The following GPC5 variants were observed in gnomAD, a reference collection of about 807,000 sequenced individuals.
GPC5 encodes the protein glypican 5.
GPC5 carries 47 observed loss-of-function variants against 53.9 expected under a neutral mutation model. The ratio of observed to expected loss-of-function variants is 0.87; its 90% CI spans 0.69 to 1.11. The LOEUF (loss-of-function observed/expected upper bound fraction) is 1.11, where lower values mean the gene tolerates loss of function less well. Ranked by LOEUF, GPC5 falls within the 50% of genes most tolerant of loss-of-function variation. The probability of loss-of-function intolerance (pLI) is 0.00; values close to 1 mark genes in which losing one functional copy is unlikely to be tolerated. For missense variants in GPC5, 748 were observed against 713.1 expected (o/e 1.05, Z -0.56); for synonymous variants, 286 against 263.3 (o/e 1.09, Z -0.84).
chr13:91,858,398 CT>C (rs754224758), intron 5 of GPC5, among the ~76,000 whole-genome samples: 1 of 151,802 alleles, frequency 6.6e-6, no homozygotes, highest in African/African-American at 2.4e-5. Context: ...TTATCAAATG[CT>C]TTTTTAGCAC....
At chr13:92,138,353 C>G (rs2041801639) in intron 6 of GPC5, among the ~76,000 whole-genome samples, 1 of 151,778 alleles carries the variant, frequency 6.6e-6, no homozygotes, top group South Asian at 2.1e-4. Context: ...AGCCCTGTCT[C>G]TACTAAAAAT....
At chr13:92,436,967 G>A (rs1877330649) in intron 7 of GPC5, among the ~76,000 whole-genome samples, 1 of 152,066 alleles carries the variant, frequency 6.6e-6, no homozygotes, top group African/African-American at 2.4e-5. Flanking sequence ...GGGAAAACAT[G>A]ACAAAATATA....
At chr13:91,824,422 C>A (rs891707981) in intron 5 of GPC5, among the ~76,000 whole-genome samples, 3 of 151,984 alleles carry the variant, frequency 2.0e-5, no homozygotes, top group Non-Finnish European at 4.4e-5. Flanking sequence ...TTTTAAATGG[C>A]TCAGTATTCA....
At chr13:91,535,760 C>T (rs1423246214) in intron 2 of GPC5, among the ~76,000 whole-genome samples, 1 of 152,010 alleles carries the variant, frequency 6.6e-6, no homozygotes, top group Non-Finnish European at 1.5e-5. Flanking sequence ...ACAGGGAGAT[C>T]CCACCCAGAG....
chr13:92,426,644 C>G (rs1426206065), intron 7 of GPC5, among the ~76,000 whole-genome samples: 1 of 151,902 alleles, frequency 6.6e-6, no homozygotes, highest in Admixed American at 6.6e-5. Context: ...GTTCTTCTGG[C>G]TTATTTTATG....
In GPC5 at chr13:91,565,642, C is replaced by T. The variant is rs554916726; in HGVS notation, c.325+116720C>T. ...CCATGGTTGTTTGTCCTAGGCGTTG[C>T]GCCTGGCACACTAATGCTGAACAAA... On this transcript the variant is annotated intron_variant, in intron 2 of 7. Coordinates refer to ENST00000377067, the MANE Select transcript of GPC5 (RefSeq NM_004466.6). Among the ~76,000 whole-genome samples, 4 of 152,296 alleles carry T rather than the reference C, an allele frequency of 2.6e-5. No individual in the cohort carries two copies. In the South Asian group the frequency reaches 6.2e-4, roughly 24 times the overall value.
intron 7 of GPC5, among the ~76,000 whole-genome samples, chr13:92,421,685 C>A (rs1377162840): frequency 2.0e-5 from 2 of 100,558 alleles, no homozygotes; most frequent in African/African-American, 4.9e-5. Context: ...TGCCACAGAG[C>A]AAGACTCCGT....
chr13:92,570,074 T>C (rs1882978447), intron 7 of GPC5, among the ~76,000 whole-genome samples: 1 of 152,152 alleles, frequency 6.6e-6, no homozygotes, highest in Non-Finnish European at 1.5e-5. Flanking sequence ...GCTTGAATGA[T>C]TTTCACCATA....
At chr13:91,568,099 C>G (rs749228496) in intron 2 of GPC5, among the ~76,000 whole-genome samples, 2 of 152,168 alleles carry the variant, frequency 1.3e-5, no homozygotes, top group African/African-American at 2.4e-5. Flanking sequence ...TGTACATTTC[C>G]TGAGGTCCCA....
chr13:92,599,027 C>A (rs1883964393), intron 7 of GPC5, among the ~76,000 whole-genome samples: 1 of 152,150 alleles, frequency 6.6e-6, no homozygotes, highest in African/African-American at 2.4e-5. Context: ...TAATAATAGA[C>A]ACAATTATTA....
rs559854270 is a variant in GPC5 at position 91,806,469 on chromosome 13, C to A, written c.1280+50049C>A. 1.9e-3 allele frequency among the ~76,000 whole-genome samples: 288 copies of A among 151,686 alleles called. 2 individuals carry two copies. The highest frequency in any genetic ancestry group is 6.7e-3 in the African/African-American group (277 of 41,326). On this transcript the variant is annotated intron_variant, in intron 5 of 7. Transcript: ENST00000377067. ...TTTTTTACTTTAACGCAATAAAAAA[C>A]CATTCTTAAATGGGAGGATTCAAAT...
intron 3 of GPC5, among the ~76,000 whole-genome samples, chr13:91,705,588 A>G (rs887860874): frequency 6.6e-6 from 1 of 152,110 alleles, no homozygotes; most frequent in East Asian, 1.9e-4. Flanking sequence ...GCTGGATATC[A>G]TCGTTGGGGG....
At chr13:92,656,337 A>G (rs554880831) in intron 7 of GPC5, among the ~76,000 whole-genome samples, 3 of 152,360 alleles carry the variant, frequency 2.0e-5, no homozygotes, top group Admixed American at 6.5e-5. Context: ...AATTAAAAGG[A>G]TGTTTAAGTG....
chr13:92,219,596 T>C (rs1048768875), intron 7 of GPC5, among the ~76,000 whole-genome samples: 1 of 152,086 alleles, frequency 6.6e-6, no homozygotes, highest in African/African-American at 2.4e-5. Context: ...ATTGAAAGTA[T>C]CTCTCATTTG....
At chr13:91,649,927 A>T (rs995132179) in intron 2 of GPC5, among the ~76,000 whole-genome samples, 1 of 152,158 alleles carries the variant, frequency 6.6e-6, no homozygotes, top group Admixed American at 6.5e-5. Context: ...TTTTTTTAAA[A>T]ATTTATTTTG....
intron 7 of GPC5, among the ~76,000 whole-genome samples, chr13:92,477,826 C>G (rs1879211530): frequency 6.6e-6 from 1 of 151,824 alleles, no homozygotes; most frequent in South Asian, 2.1e-4. Context: ...GAAAATAAAA[C>G]CAGCAGTCAT....
intron 6 of GPC5, among the ~76,000 whole-genome samples, chr13:91,948,973 G>T (rs1371731769): frequency 6.6e-6 from 1 of 152,148 alleles, no homozygotes; most frequent in Non-Finnish European, 1.5e-5. Flanking sequence ...GTCTGAGAGG[G>T]AGATATTAAG....
intron 7 of GPC5, chr13:92,340,734 A>G (rs1246117835): frequency 6.6e-6 from 1 of 152,178 alleles, no homozygotes; most frequent in African/African-American, 2.4e-5. Flanking sequence ...TGTATTGATT[A>G]TAAAATAAAC....
intron 7 of GPC5, among the ~76,000 whole-genome samples, chr13:92,543,653 A>C (rs1407161350): frequency 6.6e-6 from 1 of 152,104 alleles, no homozygotes; most frequent in Non-Finnish European, 1.5e-5. Context: ...GTCTCTGCCA[A>C]GGCACTGATT....
Sources: allele counts gnomAD v4.1 joint callset (sites outside exome capture counted in the v4.1 genomes callset), GRCh38; gene constraint gnomAD v4.1.1; transcripts MANE v1.5; gene names NCBI Gene and HGNC (gene_info 2026-07-23, HGNC 2026-07-21).